The following RGS6 variants were observed in gnomAD, a reference collection of about 807,000 sequenced individuals.
RGS6 encodes the protein regulator of G protein signaling 6.
RGS6 carries 30 observed loss-of-function variants against 78.5 expected under a neutral mutation model. That is an observed-to-expected ratio of 0.38 (90% confidence interval 0.29 to 0.52). The LOEUF is 0.52. RGS6 is among the 20% of genes least tolerant of loss of function. The pLI, the probability that RGS6 is intolerant of heterozygous loss-of-function variation, is 0.85. For synonymous variants in RGS6, 206 were observed against 206.0 expected, an observed-to-expected ratio of 1.00 and a Z score of 0.00; for missense variants, 495 against 609.7, an observed-to-expected ratio of 0.81 and a Z score of 1.98.
chr14:72,439,929 T>C (rs900017826), intron 3 of RGS6, among the ~76,000 whole-genome samples: 3 of 152,222 alleles, frequency 2.0e-5, no homozygotes, highest in Admixed American at 6.5e-5. Flanking sequence ...CCATTCGACC[T>C]GAGGTTGGAA....
At chr14:72,194,764 A>G (rs1161119246) in intron 2 of RGS6, among the ~76,000 whole-genome samples, 4 of 152,250 alleles carry the variant, frequency 2.6e-5, no homozygotes, top group African/African-American at 9.6e-5. Context: ...AAAGAAAAAA[A>G]TAGAGCAGAA....
chr14:72,339,879 G>A lies in RGS6; in HGVS notation c.85-12216G>A, dbSNP rs2076674870. On this transcript the variant is annotated intron_variant, in intron 2 of 17. Coordinates refer to ENST00000553525, the MANE Select transcript of RGS6 (RefSeq NM_001204424.2). The stretch of plus-strand genomic sequence containing the variant: ...GGTTTGTCCTGGGACCCCCTGTGAG[G>A]TTCTAGGACCTCAGGTGCTGTTGGG... 2.0e-5 allele frequency among the ~76,000 whole-genome samples: 3 copies of A among 152,180 alleles called. No homozygotes were observed. In the South Asian group the frequency reaches 6.2e-4, roughly 32 times the overall value.
intron 12 of RGS6, among the ~76,000 whole-genome samples, chr14:72,490,346 G>A (rs1298177105): frequency 6.6e-6 from 1 of 152,188 alleles, no homozygotes; most frequent in Admixed American, 6.5e-5. Flanking sequence ...ACATGGAACT[G>A]TAAGTCCATT....
Position 72,474,609 on chromosome 14 carries a change from GTT to G in RGS6, c.619-7_619-6del, listed in dbSNP as rs765360949. 7.1e-7 allele frequency: 1 copy of G among 1,414,894 alleles called. No homozygotes were observed. Among genetic ancestry groups the G allele is most frequent in the Non-Finnish European group, 9.7e-7 (1 of 1,034,796 alleles). The allele number at this position is 1,414,894 out of a possible 1,614,324, so 87.6% of individuals were successfully genotyped here. On this transcript the variant is annotated splice_polypyrimidine_tract_variant and intron_variant, in intron 9 of 17. Coordinates refer to ENST00000553525, the MANE Select transcript of RGS6 (RefSeq NM_001204424.2). ...TTTCACGTAGTAATTTATATGATGT[GTT>G]TTTTTTTTCTCAGCCAGGCTGTGTG...
chr14:72,069,300 T>C (rs2094312846), intron 2 of RGS6, among the ~76,000 whole-genome samples: 2 of 152,154 alleles, frequency 1.3e-5, no homozygotes, highest in African/African-American at 4.8e-5. Flanking sequence ...ATATTTTTTT[T>C]CTCATCCTAT....
chr14:72,208,103 C>A (rs1482551653), intron 2 of RGS6, among the ~76,000 whole-genome samples: 1 of 152,188 alleles, frequency 6.6e-6, no homozygotes, highest in East Asian at 1.9e-4. Context: ...TCTCATCCTT[C>A]TAGATCCTGT....
chr14:72,111,742 C>A (rs1407502070), intron 2 of RGS6, among the ~76,000 whole-genome samples: 1 of 152,078 alleles, frequency 6.6e-6, no homozygotes, highest in Non-Finnish European at 1.5e-5. Context: ...CAGCATTCGC[C>A]AGGGTACGTA....
intron 2 of RGS6, among the ~76,000 whole-genome samples, chr14:72,046,657 C>G (rs2092869052): frequency 1.3e-5 from 2 of 151,564 alleles, no homozygotes; most frequent in South Asian, 2.1e-4. Context: ...TCTACTCTTC[C>G]TCCTCCTCTG....
chr14:71,896,102 G>A, the RGS6 span, among the ~76,000 whole-genome samples: 1 of 152,078 alleles, frequency 6.6e-6, no homozygotes. Flanking sequence ...ATCCAGCACT[G>A]TAAATTTTCT....
At chr14:72,354,132 A>C (rs1316947912) in intron 3 of RGS6, among the ~76,000 whole-genome samples, 2 of 152,144 alleles carry the variant, frequency 1.3e-5, no homozygotes, top group Non-Finnish European at 2.9e-5. Context: ...TCACTCTTTG[A>C]ACTCAGGTAC....
chr14:72,476,456 A>C (rs938210669), intron 10 of RGS6, among the ~76,000 whole-genome samples: 2 of 152,228 alleles, frequency 1.3e-5, no homozygotes, highest in Admixed American at 6.5e-5. Context: ...CACCCAGGTG[A>C]TTCTTTGCAG....
chr14:71,918,423 T>C, the RGS6 span, among the ~76,000 whole-genome samples: 1 of 152,284 alleles, frequency 6.6e-6, no homozygotes, highest in African/African-American at 2.4e-5. Flanking sequence ...TAAAGCCTGA[T>C]TCTGTGAAAA....
chr14:72,580,905 G>A, the RGS6 span, among the ~76,000 whole-genome samples: 3 of 152,184 alleles, frequency 2.0e-5, no homozygotes, highest in Non-Finnish European at 4.4e-5. Flanking sequence ...CAAGAACAAG[G>A]CATGAGCCAC....
the RGS6 span, among the ~76,000 whole-genome samples, chr14:71,907,611 A>C: frequency 6.7e-6 from 1 of 148,304 alleles, no homozygotes; most frequent in African/African-American, 2.5e-5. Flanking sequence ...GCCATTGATC[A>C]GTGGTGGTGG....
At chr14:72,519,974 G>A (rs899686107) in intron 15 of RGS6, among the ~76,000 whole-genome samples, 2 of 152,060 alleles carry the variant, frequency 1.3e-5, no homozygotes, top group Non-Finnish European at 2.9e-5. Context: ...TTTAACACTT[G>A]GAAAAGTGGA....
chr14:72,438,419 G>C (rs978174278), intron 3 of RGS6, among the ~76,000 whole-genome samples: 1 of 152,118 alleles, frequency 6.6e-6, no homozygotes, highest in African/African-American at 2.4e-5. Flanking sequence ...AGATTCAACA[G>C]CCACTCCATG....
At chr14:72,345,236 G>T (rs1005479559) in intron 2 of RGS6, among the ~76,000 whole-genome samples, 3 of 152,172 alleles carry the variant, frequency 2.0e-5, no homozygotes, top group African/African-American at 7.2e-5. Flanking sequence ...GAAAGACCAA[G>T]ATGTTGGTGT....
chr14:72,014,900 A>G (rs55845691), intron 2 of RGS6, among the ~76,000 whole-genome samples: 1,834 of 152,250 alleles, frequency 0.012, 42 homozygotes, highest in African/African-American at 0.041. Flanking sequence ...GCCATGCTTC[A>G]TTCCCAGGTG....
chr14:72,449,019 C>T (rs1334929333), intron 3 of RGS6, among the ~76,000 whole-genome samples: 1 of 152,176 alleles, frequency 6.6e-6, no homozygotes, highest in East Asian at 1.9e-4. Flanking sequence ...AATGTCACTC[C>T]GCCTTCATAA....
Sources: gnomAD v4.1 joint callset for allele counts (sites outside exome capture counted in the v4.1 genomes callset) on GRCh38, gnomAD v4.1.1 for gene constraint, MANE v1.5 for transcripts, NCBI Gene and HGNC (gene_info 2026-07-23, HGNC 2026-07-21) for gene names.